SDK1: variants seen among roughly 807,000 people sequenced by gnomAD.
SDK1 encodes protein sidekick-1.
Under a neutral mutation model 245.5 loss-of-function variants are expected in SDK1, and 157 were observed. That is an observed-to-expected ratio of 0.64 (90% CI 0.56 to 0.73). The LOEUF (loss-of-function observed/expected upper bound fraction) is 0.73, where lower values mean the gene tolerates loss of function less well. SDK1 is among the 30% of genes least tolerant of loss of function. SDK1 has a pLI of 0.00. For synonymous variants in SDK1, 1,647 were observed against 1,278.5 expected (o/e 1.29, Z -6.15); for missense variants, 3,583 against 3,002.3 (o/e 1.19, Z -4.52).
At chr7:4,133,125 C>T (rs1431245607) in intron 28 of SDK1, among the ~76,000 whole-genome samples, 2 of 152,296 alleles carry the variant, frequency 1.3e-5, no homozygotes, top group Admixed American at 1.3e-4. Flanking sequence ...TCTGCTGCAG[C>T]ACTTGCACCC....
At chr7:3,497,536 A>G (rs1247257191) in intron 1 of SDK1, among the ~76,000 whole-genome samples, 2 of 152,204 alleles carry the variant, frequency 1.3e-5, no homozygotes, top group East Asian at 1.9e-4. Flanking sequence ...GCAAATTGCA[A>G]TATAATACCA....
intron 1 of SDK1, among the ~76,000 whole-genome samples, chr7:3,514,095 G>C (rs182643462): frequency 6.6e-6 from 1 of 152,224 alleles, no homozygotes; most frequent in East Asian, 1.9e-4. Flanking sequence ...TCATATTTCA[G>C]AAGTAAGGAA....
intron 1 of SDK1, among the ~76,000 whole-genome samples, chr7:3,347,056 C>T (rs1004985080): frequency 6.6e-6 from 1 of 151,344 alleles, no homozygotes; most frequent in Non-Finnish European, 1.5e-5. Flanking sequence ...CAGTTAAATT[C>T]TTGCTGTTCC....
At chr7:4,120,796 A>G (rs577376395) in intron 25 of SDK1, among the ~76,000 whole-genome samples, 1 of 152,134 alleles carries the variant, frequency 6.6e-6, no homozygotes, top group East Asian at 1.9e-4. Flanking sequence ...TTGTATTTTT[A>G]GTAGAGATGG....
intron 2 of SDK1, among the ~76,000 whole-genome samples, chr7:3,637,055 G>T (rs1292162512): frequency 8.6e-5 from 2 of 23,160 alleles, no homozygotes; most frequent in Non-Finnish European, 9.4e-5. Flanking sequence ...TCCTGATGCA[G>T]AGAGAGAGAG....
At chr7:4,090,185 G>A (rs141747793) in intron 22 of SDK1, among the ~76,000 whole-genome samples, 10 of 152,186 alleles carry the variant, frequency 6.6e-5, no homozygotes, top group East Asian at 1.9e-4. Flanking sequence ...TAAAATGACC[G>A]CCACTTCTGC....
intron 17 of SDK1, among the ~76,000 whole-genome samples, chr7:4,025,286 G>C (rs965125563): frequency 6.6e-6 from 1 of 152,198 alleles, no homozygotes; most frequent in African/African-American, 2.4e-5. Flanking sequence ...AGCTTCCGCC[G>C]AACAGAGGAT....
chr7:3,309,524 AT>A lies in SDK1; in HGVS notation c.298+7658del, dbSNP rs59762021. ...AGTGGCAGAGTGTCACTAGAAAAAG[AT>A]TTTTTTTTTTTTTTTTTACATGAGT... On this transcript the variant is annotated intron_variant, in intron 1 of 44. Transcript: ENST00000404826. Among the ~76,000 whole-genome samples, 429 of 127,322 alleles carry A rather than the reference AT, an allele frequency of 3.4e-3. 2 individuals carry two copies. The highest frequency in any genetic ancestry group is 0.011 in the Admixed American group (133 of 12,030). 83.5% of individuals were successfully genotyped at this position (127,322 alleles called of 152,430 possible).
intron 4 of SDK1, among the ~76,000 whole-genome samples, chr7:3,775,436 T>A (rs73672169): frequency 0.1 from 15,764 of 151,988 alleles, 950 homozygotes; most frequent in African/African-American, 0.16. Context: ...ATTTTATTTT[T>A]TTTTTTCTAT....
intron 1 of SDK1, among the ~76,000 whole-genome samples, chr7:3,524,073 T>C (rs1583120337): frequency 6.6e-6 from 1 of 152,128 alleles, no homozygotes; most frequent in Admixed American, 6.5e-5. Flanking sequence ...TCAACAAATA[T>C]TGCCTGAGAA....
At chr7:4,250,681 A>G (rs1305813125) in intron 44 of SDK1, among the ~76,000 whole-genome samples, 2 of 152,180 alleles carry the variant, frequency 1.3e-5, no homozygotes, top group African/African-American at 4.8e-5. Context: ...CTAACGGAAC[A>G]CAGGCCAAAT....
intron 1 of SDK1, among the ~76,000 whole-genome samples, chr7:3,553,101 C>T (rs979624217): frequency 2.6e-5 from 4 of 152,024 alleles, no homozygotes; most frequent in Non-Finnish European, 4.4e-5. Flanking sequence ...GGATTTCTTT[C>T]TGGTCTTTCC....
intron 4 of SDK1, among the ~76,000 whole-genome samples, chr7:3,672,757 TTTTATATATATATA>T (rs1236888212): frequency 8.2e-5 from 2 of 24,470 alleles, no homozygotes; most frequent in African/African-American, 5.0e-4. Context: ...TAATATATAA[TTTTATATATATATA>T]TATATATATA....
chr7:3,843,483 A>G (rs1017682593), intron 5 of SDK1, among the ~76,000 whole-genome samples: 4 of 152,354 alleles, frequency 2.6e-5, no homozygotes, highest in South Asian at 2.1e-4. Flanking sequence ...TTCTTCCTCA[A>G]ATTAACTAAA....
At chr7:3,808,525 C>T (rs924490533) in intron 4 of SDK1, among the ~76,000 whole-genome samples, 1 of 152,192 alleles carries the variant, frequency 6.6e-6, no homozygotes, top group Non-Finnish European at 1.5e-5. Flanking sequence ...GGCCTCAATC[C>T]CAGCCCGACC....
chr7:4,062,786 C>T (rs770047530), intron 19 of SDK1, among the ~76,000 whole-genome samples: 19 of 152,152 alleles, frequency 1.2e-4, no homozygotes, highest in Non-Finnish European at 2.1e-4. Flanking sequence ...CCCAGGGATG[C>T]AAGGATGGTT....
chr7:3,962,092 C>G (rs758134432), intron 8 of SDK1, among the ~76,000 whole-genome samples: 1 of 152,210 alleles, frequency 6.6e-6, no homozygotes, highest in Non-Finnish European at 1.5e-5. Flanking sequence ...TACATATACA[C>G]ACACATGCAC....
chr7:3,434,176 G>A (rs553269811), intron 1 of SDK1, among the ~76,000 whole-genome samples: 1 of 152,140 alleles, frequency 6.6e-6, no homozygotes, highest in East Asian at 1.9e-4. Context: ...TCTTTTTGAA[G>A]GCTCAGTAGC....
At chr7:3,460,767 A>G (rs1780809428) in intron 1 of SDK1, among the ~76,000 whole-genome samples, 1 of 152,206 alleles carries the variant, frequency 6.6e-6, no homozygotes. Flanking sequence ...AGCCAGCCCA[A>G]TTGTTATAAA....
Sources: gnomAD v4.1 joint callset for allele counts (sites outside exome capture counted in the v4.1 genomes callset) on GRCh38, gnomAD v4.1.1 for gene constraint, MANE v1.5 for transcripts, NCBI Gene and HGNC (gene_info 2026-07-23, HGNC 2026-07-21) for gene names.